Variants in TPRG1 observed in about 807,000 individuals in gnomAD.
TPRG1 encodes tumor protein p63-regulated gene 1 protein.
In TPRG1, 29 loss-of-function variants were observed where a neutral mutation model predicts 29.3. The observed-to-expected ratio is 0.99, with a 90% CI of 0.74 to 1.35. The LOEUF is 1.35. TPRG1 is among the 40% of genes most tolerant of loss of function. The pLI is 0.00. For missense variants in TPRG1, 327 were observed against 335.0 expected (o/e 0.98, Z 0.19); for synonymous variants, 130 against 116.8 (o/e 1.11, Z -0.73).
At chr3:189,184,068 C>T (rs1343396767) in intron 1 of TPRG1, among the ~76,000 whole-genome samples, 7 of 152,102 alleles carry the variant, frequency 4.6e-5, no homozygotes, top group Non-Finnish European at 8.8e-5. Context: ...TCCATGAAAT[C>T]GTCACAATCC....
chr3:189,227,296 G>A (rs1203175523), intron 3 of TPRG1, among the ~76,000 whole-genome samples: 1 of 152,180 alleles, frequency 6.6e-6, no homozygotes, highest in African/African-American at 2.4e-5. Flanking sequence ...CTGTTCTCAG[G>A]CCTCAGTTCC....
chr3:189,298,654 C>T (rs114826749), intron 4 of TPRG1, among the ~76,000 whole-genome samples: 1 of 152,202 alleles, frequency 6.6e-6, no homozygotes, highest in African/African-American at 2.4e-5. Context: ...AATACCCAAC[C>T]CTTGCTCAAC....
intron 3 of TPRG1, among the ~76,000 whole-genome samples, chr3:189,138,081 A>G (rs1035395489): frequency 1.3e-5 from 2 of 152,210 alleles, no homozygotes; most frequent in South Asian, 2.1e-4. Context: ...CCATTATCAC[A>G]TAATAATGGG....
At chr3:189,035,682 A>G (rs1578221085) in intron 4 of TPRG1, among the ~76,000 whole-genome samples, 1 of 152,028 alleles carries the variant, frequency 6.6e-6, no homozygotes, top group Admixed American at 6.6e-5. Context: ...TAAAAAGTAC[A>G]TCACTATTCA....
chr3:189,051,725 T>C (rs2152139802), intron 4 of TPRG1, among the ~76,000 whole-genome samples: 1 of 152,256 alleles, frequency 6.6e-6, no homozygotes, highest in South Asian at 2.1e-4. Context: ...CAAAACAGCA[T>C]GGTACTAGTA....
chr3:189,131,160 A>G (rs1723071022), intron 2 of TPRG1, among the ~76,000 whole-genome samples: 1 of 152,204 alleles, frequency 6.6e-6, no homozygotes, highest in South Asian at 2.1e-4. Context: ...AGCAGCGATT[A>G]TGTAGTAATT....
At chr3:189,068,744 C>G (rs1395295279) in intron 4 of TPRG1, among the ~76,000 whole-genome samples, 1 of 151,920 alleles carries the variant, frequency 6.6e-6, no homozygotes, top group East Asian at 1.9e-4. Flanking sequence ...CCACTGCACT[C>G]CAGCCCGGAT....
chr3:189,266,090 G>C (rs1714026204), intron 4 of TPRG1, among the ~76,000 whole-genome samples: 1 of 152,134 alleles, frequency 6.6e-6, no homozygotes, highest in African/African-American at 2.4e-5. Flanking sequence ...TCCAATCCCA[G>C]ACTTGTCACT....
intron 4 of TPRG1, among the ~76,000 whole-genome samples, chr3:189,273,273 G>A (rs932448509): frequency 1.3e-5 from 2 of 152,162 alleles, no homozygotes; most frequent in South Asian, 2.1e-4. Flanking sequence ...TTACTGTATG[G>A]CTGGAGAGGT....
intron 4 of TPRG1, among the ~76,000 whole-genome samples, chr3:189,298,358 A>C (rs1010822851): frequency 4.6e-5 from 7 of 152,190 alleles, no homozygotes; most frequent in Non-Finnish European, 1.0e-4. Flanking sequence ...AATGCTTTAA[A>C]CCAGTGATGA....
chr3:189,017,283 G>A (rs1035308287), intron 3 of TPRG1, among the ~76,000 whole-genome samples: 9 of 151,468 alleles, frequency 5.9e-5, no homozygotes, highest in Admixed American at 2.6e-4. Flanking sequence ...CATTGTGCAG[G>A]TTAGTTACAT....
In TPRG1 at chr3:189,320,689, T is replaced by C; in HGVS notation, c.697T>C (p.Ser233Pro). 1 of 1,612,720 alleles carries C rather than the reference T, an allele frequency of 6.2e-7. No individual in the cohort carries two copies. Among genetic ancestry groups the C allele is most frequent in the South Asian group, 1.1e-5 (1 of 90,944 alleles). Reference sequence around the variant, plus strand: ...GAATGCCCACAAGAATTCAACTGGATCTGGAAGAGGAAAGAAACTGATGGT... The same window carrying C: ...GAATGCCCACAAGAATTCAACTGGACCTGGAAGAGGAAAGAAACTGATGGT... ...IQNAHKNSTG[S>P]GRGKKLMVLT... Residue 233 changes from serine to proline, a missense_variant, in exon 6 of 6, where the codon TCT becomes CCT. Physicochemically the swap from Ser to Pro is moderately conservative, Grantham distance 74 (BLOSUM62 -1). Coordinates refer to ENST00000345063, the MANE Select transcript of TPRG1 (RefSeq NM_198485.4).
chr3:189,217,017 A>G (rs1736174756), intron 3 of TPRG1, among the ~76,000 whole-genome samples: 1 of 152,238 alleles, frequency 6.6e-6, no homozygotes, highest in African/African-American at 2.4e-5. Context: ...TTCTCAGATA[A>G]TAGAACTGGT....
chr3:189,207,111 TTCCTG>T, intron 1 of TPRG1: 1 of 919,910 alleles, frequency 1.1e-6, no homozygotes, highest in Non-Finnish European at 1.3e-6. Context: ...CTTGTTCAGG[TTCCTG>T]TCTCCTGGGA....
chr3:189,304,535 G>A (rs1283890217), intron 4 of TPRG1, among the ~76,000 whole-genome samples: 1 of 152,180 alleles, frequency 6.6e-6, no homozygotes, highest in East Asian at 1.9e-4. Flanking sequence ...AGCAAAGAGA[G>A]CAGATAAAGG....
chr3:189,243,627 A>G (rs769956420), intron 4 of TPRG1, among the ~76,000 whole-genome samples: 20 of 152,056 alleles, frequency 1.3e-4, no homozygotes, highest in Non-Finnish European at 2.5e-4. Context: ...GTCCAACTTT[A>G]AGTCATTTCT....
intron 4 of TPRG1, among the ~76,000 whole-genome samples, chr3:189,062,898 T>G (rs1480347257): frequency 1.3e-5 from 2 of 151,966 alleles, no homozygotes; most frequent in Non-Finnish European, 2.9e-5. Context: ...AATAAAATAC[T>G]AGGCTTCAGT....
At chr3:189,198,740 A>T (rs1252767480) in intron 1 of TPRG1, among the ~76,000 whole-genome samples, 1 of 152,206 alleles carries the variant, frequency 6.6e-6, no homozygotes, top group Non-Finnish European at 1.5e-5. Context: ...CTCATGGCCC[A>T]CTAGTGAAGA....
chr3:189,102,322 A>G (rs1040196083), intron 1 of TPRG1, among the ~76,000 whole-genome samples: 5 of 152,202 alleles, frequency 3.3e-5, no homozygotes, highest in Admixed American at 1.3e-4. Flanking sequence ...CTATCTCCAG[A>G]GCCAGCTTCT....
Sources: gnomAD v4.1 joint callset for allele counts (sites outside exome capture counted in the v4.1 genomes callset) on GRCh38, gnomAD v4.1.1 for gene constraint, MANE v1.5 for transcripts, NCBI Gene and HGNC (gene_info 2026-07-23, HGNC 2026-07-21) for gene names.